The following DRC8 variants were observed in gnomAD, a reference collection of about 807,000 sequenced individuals.
DRC8 encodes the protein dynein regulatory complex subunit 8, also known as dynein regulatory complex protein 8.
the DRC8 span, among the ~76,000 whole-genome samples, chr1:245,021,863 C>T: frequency 1.3e-5 from 2 of 152,148 alleles, no homozygotes; most frequent in Non-Finnish European, 2.9e-5. Context: ...GTTTTAGAGA[C>T]AAGCTCTCTT....
At chr1:245,114,158 CT>C in the DRC8 span, among the ~76,000 whole-genome samples, 3 of 151,944 alleles carry the variant, frequency 2.0e-5, no homozygotes. Flanking sequence ...GGTTGGGATT[CT>C]TTTTTTTAAA....
the DRC8 span, among the ~76,000 whole-genome samples, chr1:245,006,939 C>G: frequency 6.9e-6 from 1 of 145,398 alleles, no homozygotes; most frequent in Non-Finnish European, 1.5e-5. Context: ...GTCTCAAAAA[C>G]AAACAAACAA....
the DRC8 span, among the ~76,000 whole-genome samples, chr1:245,043,653 G>T: frequency 6.6e-6 from 1 of 152,108 alleles, no homozygotes; most frequent in Non-Finnish European, 1.5e-5. Flanking sequence ...TCTGTTTTGT[G>T]TACATGGTAG....
At chr1:244,985,743 A>G in the DRC8 span, among the ~76,000 whole-genome samples, 1 of 151,674 alleles carries the variant, frequency 6.6e-6, no homozygotes. Flanking sequence ...ACACACCTGT[A>G]ATCTGAGCTA....
chr1:245,049,264 C>T, the DRC8 span, among the ~76,000 whole-genome samples: 5 of 152,214 alleles, frequency 3.3e-5, no homozygotes, highest in East Asian at 1.9e-4. The surrounding 1 kb of genome is among the most constrained non-coding windows in gnomAD (Gnocchi z 4.5). Flanking sequence ...GGATTACAGG[C>T]ATGAGCCACC....
chr1:245,063,874 C>G, the DRC8 span, among the ~76,000 whole-genome samples: 1 of 152,096 alleles, frequency 6.6e-6, no homozygotes, highest in Non-Finnish European at 1.5e-5. Flanking sequence ...AGGCACGCAC[C>G]ACCACACCCG....
chr1:245,053,013 A>G, the DRC8 span, among the ~76,000 whole-genome samples: 2 of 152,328 alleles, frequency 1.3e-5, no homozygotes, highest in South Asian at 2.1e-4. Flanking sequence ...AAGTCACATT[A>G]CTTTTCTAAG....
At chr1:245,122,365 C>T in the DRC8 span, 1 of 154,880 alleles carries the variant, frequency 6.5e-6, no homozygotes, top group Admixed American at 6.4e-5. Context: ...GACTTAGTAG[C>T]AAGTGACAGC....
chr1:245,085,207 T>C, the DRC8 span, among the ~76,000 whole-genome samples: 3 of 152,130 alleles, frequency 2.0e-5, no homozygotes, highest in African/African-American at 7.2e-5. Context: ...TACAAGACAA[T>C]AGAAAGCTAA....
chr1:244,981,675 G>A, the DRC8 span, among the ~76,000 whole-genome samples: 2 of 152,162 alleles, frequency 1.3e-5, no homozygotes, highest in Non-Finnish European at 2.9e-5. Flanking sequence ...AATTGGTGGA[G>A]GCTGCGTGTG....
At chr1:244,991,306 G>C in the DRC8 span, among the ~76,000 whole-genome samples, 1 of 152,142 alleles carries the variant, frequency 6.6e-6, no homozygotes, top group South Asian at 2.1e-4. Context: ...GTGGAGTTGG[G>C]TGCACTATTC....
chr1:244,980,167 C>T, the DRC8 span, among the ~76,000 whole-genome samples: 4 of 146,060 alleles, frequency 2.7e-5, no homozygotes, highest in African/African-American at 1.0e-4. Flanking sequence ...TGCAGTGAGC[C>T]GAGATCACGC....
chr1:245,025,597 G>A, the DRC8 span, among the ~76,000 whole-genome samples: 1 of 152,128 alleles, frequency 6.6e-6, no homozygotes, highest in South Asian at 2.1e-4. Flanking sequence ...CCTTTCCCAA[G>A]CCACACCCAT....
chr1:245,039,114 A>G, the DRC8 span, among the ~76,000 whole-genome samples: 1 of 148,460 alleles, frequency 6.7e-6, no homozygotes, highest in African/African-American at 2.5e-5. Context: ...ATTATTCACA[A>G]TAGCCAATAT....
At chr1:245,122,030 C>T in the DRC8 span, 1 of 343,088 alleles carries the variant, frequency 2.9e-6, no homozygotes, top group South Asian at 2.4e-5. Context: ...TCCTGAGCAG[C>T]TGGGATGACA....
At chr1:244,970,323 C>T in the DRC8 span, 2 of 1,488,012 alleles carry the variant, frequency 1.3e-6, no homozygotes, top group African/African-American at 2.8e-5. Context: ...GCGGCCCCTC[C>T]TCCAGGCCAG....
the DRC8 span, among the ~76,000 whole-genome samples, chr1:245,097,109 G>A: frequency 6.6e-6 from 1 of 152,110 alleles, no homozygotes; most frequent in East Asian, 1.9e-4. This position sits in a 1 kb window ranked among gnomAD's most constrained non-coding sequence, Gnocchi z 5.0. Flanking sequence ...CCGGGAGTAG[G>A]GAAGTCCATT....
At chr1:245,019,852 C>T in the DRC8 span, among the ~76,000 whole-genome samples, 1 of 152,156 alleles carries the variant, frequency 6.6e-6, no homozygotes, top group Non-Finnish European at 1.5e-5. Context: ...GTAGTCCCAG[C>T]TGCTTGGGAG....
the DRC8 span, among the ~76,000 whole-genome samples, chr1:244,971,338 G>C: frequency 5.1e-3 from 782 of 152,380 alleles, 4 homozygotes; most frequent in African/African-American, 0.018. Flanking sequence ...CGCGGTGGCC[G>C]CCTGCAGAGG....
Sources: allele counts gnomAD v4.1 joint callset (sites outside exome capture counted in the v4.1 genomes callset), GRCh38; gene constraint gnomAD v4.1.1; non-coding constraint Gnocchi (gnomAD v3.1); transcripts MANE v1.5; gene names NCBI Gene and HGNC (gene_info 2026-07-23, HGNC 2026-07-21).